The following TNR variants were observed in gnomAD, a reference collection of about 807,000 sequenced individuals.
TNR encodes tenascin-R.
TNR carries 45 observed loss-of-function variants against 150.4 expected under a neutral mutation model. The ratio of observed to expected loss-of-function variants is 0.30; its 90% CI spans 0.24 to 0.38. TNR has a LOEUF of 0.38. Ranked by LOEUF, TNR falls within the 10% of genes least tolerant of loss-of-function variation. The pLI is 1.00. For synonymous variants in TNR, 687 were observed against 678.4 expected (o/e 1.01, Z -0.20); for missense variants, 1,544 against 1,759.1 (o/e 0.88, Z 2.19).
chr1:175,529,771 T>C (rs1477628670), intron 1 of TNR, among the ~76,000 whole-genome samples: 4 of 152,314 alleles, frequency 2.6e-5, no homozygotes, highest in African/African-American at 9.6e-5. Context: ...TTCCACCCAC[T>C]GACCTTTCTT....
At chr1:175,695,680 G>A (rs1025632533) in intron 1 of TNR, among the ~76,000 whole-genome samples, 4 of 152,096 alleles carry the variant, frequency 2.6e-5, no homozygotes, top group African/African-American at 9.7e-5. Context: ...CCTACTCATT[G>A]TCTTGATCTC....
At chr1:175,431,635 CTT>C (rs35340891) in intron 2 of TNR, among the ~76,000 whole-genome samples, 4 of 143,088 alleles carry the variant, frequency 2.8e-5, no homozygotes, top group African/African-American at 2.6e-5. Context: ...CTGACAATAA[CTT>C]TTTTTTTTTT....
chr1:175,705,710 T>C lies in TNR; in HGVS notation c.-165+37516A>G, dbSNP rs568438489. 2.6e-5 allele frequency among the ~76,000 whole-genome samples: 4 copies of C among 152,306 alleles called. No homozygotes were observed. The South Asian group carries it at 6.2e-4, about 24-fold the overall frequency. On this transcript the variant is annotated intron_variant, in intron 1 of 22. Transcript: ENST00000367674. ...GCCATGGATCCCATGTGTCTTGATTTCAGCAAGACTTTTAAAATAATGTCT... is the reference window on the plus strand; with the variant it reads ...GCCATGGATCCCATGTGTCTTGATTCCAGCAAGACTTTTAAAATAATGTCT...
intron 7 of TNR, among the ~76,000 whole-genome samples, chr1:175,388,795 T>C (rs1271433731): frequency 6.6e-6 from 1 of 152,226 alleles, no homozygotes; most frequent in Non-Finnish European, 1.5e-5. Context: ...TAAATGAAAA[T>C]AATTCTGCCT....
In TNR at chr1:175,639,626, T is replaced by C. The variant is rs552202358; in HGVS notation, c.-165+103600A>G. On this transcript the variant is annotated intron_variant, in intron 1 of 22. Coordinates refer to ENST00000367674, the MANE Select transcript of TNR (RefSeq NM_003285.3). ...CTCCTCTGCTCAAAAACCTTTAGTG[T>C]CTTTCTAGCTCATGTGAGGTAAAAG... 3.3e-5 allele frequency among the ~76,000 whole-genome samples: 5 copies of C among 152,292 alleles called. No homozygotes were observed. In the East Asian group the frequency reaches 9.7e-4, roughly 29 times the overall value.
At chr1:175,380,619 G>C (rs1044352140) in intron 8 of TNR, among the ~76,000 whole-genome samples, 1 of 151,036 alleles carries the variant, frequency 6.6e-6, no homozygotes, top group African/African-American at 2.4e-5. Context: ...CTGGCTTCCT[G>C]TTGCCTCTGA....
chr1:175,498,189 C>T (rs1458356913), intron 2 of TNR, among the ~76,000 whole-genome samples: 2 of 152,226 alleles, frequency 1.3e-5, no homozygotes, highest in African/African-American at 2.4e-5. Context: ...ACTAATGAGT[C>T]ACCAAAAACT....
intron 2 of TNR, among the ~76,000 whole-genome samples, chr1:175,510,401 C>T (rs979886867): frequency 3.3e-5 from 5 of 151,990 alleles, no homozygotes; most frequent in Non-Finnish European, 1.5e-5. Context: ...AGTTACCATC[C>T]GTGTGCACAA....
intron 14 of TNR, 35 bp downstream of exon 14, chr1:175,362,628 G>A (rs767674265): frequency 6.3e-7 from 1 of 1,599,326 alleles, no homozygotes. Context: ...CTTCAGCCAG[G>A]GTTCTGACTT....
rs368914476 is a variant in TNR at position 175,602,908 on chromosome 1, CT to C, written c.-164-74540del. On this transcript the variant is annotated intron_variant, in intron 1 of 22. Coordinates refer to ENST00000367674, the MANE Select transcript of TNR (RefSeq NM_003285.3). ...ACATATTTGAGGGTACTAATTTTCC[CT>C]GTAATATATTTTTATTCAACTTATT... Among the ~76,000 whole-genome samples the C allele has an allele frequency of 1.5e-3, 230 of 152,272 alleles. 1 individual carries two copies. The highest frequency in any genetic ancestry group is 5.3e-3 in the African/African-American group (222 of 41,544).
intron 9 of TNR, among the ~76,000 whole-genome samples, chr1:175,367,600 T>C (rs138202597): frequency 4.6e-5 from 7 of 152,222 alleles, no homozygotes; most frequent in African/African-American, 1.7e-4. Context: ...ACTCCTTGTA[T>C]GCTTAGCGTC....
At chr1:175,372,175 GC>G (rs1652137917) in intron 9 of TNR, among the ~76,000 whole-genome samples, 1 of 152,158 alleles carries the variant, frequency 6.6e-6, no homozygotes, top group Admixed American at 6.5e-5. Flanking sequence ...GCTTTCCGAG[GC>G]CCTCACCAGA....
At chr1:175,471,832 G>A (rs1332988070) in intron 2 of TNR, among the ~76,000 whole-genome samples, 1 of 151,898 alleles carries the variant, frequency 6.6e-6, no homozygotes, top group Non-Finnish European at 1.5e-5. Flanking sequence ...TTTTTAAAAC[G>A]TTTTGACTCT....
chr1:175,463,733 C>A (rs568423722), intron 2 of TNR, among the ~76,000 whole-genome samples: 2 of 152,336 alleles, frequency 1.3e-5, no homozygotes, highest in East Asian at 3.9e-4. Flanking sequence ...GTTACCATCT[C>A]TGGTTTAGAT....
At chr1:175,613,325 T>C (rs1200814771) in intron 1 of TNR, among the ~76,000 whole-genome samples, 1 of 152,208 alleles carries the variant, frequency 6.6e-6, no homozygotes, top group Non-Finnish European at 1.5e-5. Flanking sequence ...AGGCTCCTTG[T>C]CCAAATCTGG....
At chr1:175,726,336 T>A (rs1667478548) in intron 1 of TNR, among the ~76,000 whole-genome samples, 1 of 152,220 alleles carries the variant, frequency 6.6e-6, no homozygotes, top group East Asian at 1.9e-4. Flanking sequence ...TGGTGGGATC[T>A]TTGGAGATGT....
intron 1 of TNR, among the ~76,000 whole-genome samples, chr1:175,606,854 G>T (rs995408549): frequency 6.6e-6 from 1 of 152,196 alleles, no homozygotes; most frequent in Admixed American, 6.5e-5. Flanking sequence ...GCAACATGGG[G>T]TCAAGTCTGA....
rs1018497569 is a variant in TNR, at chr1:175,386,070, G to A, written c.1739C>T (p.Thr580Ile). 1 of 1,606,464 alleles carries A rather than the reference G, an allele frequency of 6.2e-7. No homozygotes were observed. Reference protein sequence around the residue: ...YEVSVSAVRGTNESDSATTQF... With the variant: ...YEVSVSAVRGINESDSATTQF... ...AGTGGTGGCAGAATCGCTCTCGTTG[G>A]TCCCTCGGACGGCACTGACTGACAC... is the stretch of plus-strand genomic sequence containing the variant. Residue 580 changes from threonine to isoleucine, a missense_variant, in exon 8 of 23, where the codon ACC becomes ATC. Thr to Ile is a moderately conservative substitution (Grantham distance 89). Coordinates refer to ENST00000367674, the MANE Select transcript of TNR (RefSeq NM_003285.3).
intron 18 of TNR, among the ~76,000 whole-genome samples, chr1:175,339,892 A>C (rs777375740): frequency 2.0e-5 from 3 of 151,718 alleles, no homozygotes; most frequent in Non-Finnish European, 4.4e-5. Context: ...AGGCTTCTTC[A>C]TATTGATAAT....
Sources: allele counts gnomAD v4.1 joint callset (sites outside exome capture counted in the v4.1 genomes callset), GRCh38; gene constraint gnomAD v4.1.1; transcripts MANE v1.5; gene names NCBI Gene and HGNC (gene_info 2026-07-23, HGNC 2026-07-21).